Variants in TRRAP observed in about 807,000 individuals in gnomAD.
The protein encoded by TRRAP is transformation/transcription domain associated protein.
Under a neutral mutation model 438.8 loss-of-function variants are expected in TRRAP, and 41 were observed. The observed-to-expected ratio is 0.09, with a 90% CI of 0.07 to 0.12. The LOEUF (loss-of-function observed/expected upper bound fraction) is 0.12. Among genes scored for constraint, TRRAP ranks in the 10% least tolerant of loss-of-function variants. The pLI is 1.00. For synonymous variants in TRRAP, 1,994 were observed against 1,962.9 expected (o/e 1.02, Z -0.42); for missense variants, 3,122 against 5,055.1 (o/e 0.62, Z 11.60).
At chr7:98,912,248 C>T in intron 18 of TRRAP, 35 bp downstream of exon 18, 1 of 1,598,176 alleles carries the variant, frequency 6.3e-7, no homozygotes, top group Admixed American at 1.7e-5. Flanking sequence ...TGCTTCTGTT[C>T]AGGGTTTTTT....
intron 30 of TRRAP, among the ~76,000 whole-genome samples, chr7:98,940,629 G>GT (rs1307919295): frequency 2.0e-5 from 3 of 152,202 alleles, no homozygotes; most frequent in Non-Finnish European, 2.9e-5. Flanking sequence ...TGGGTTTTGT[G>GT]TTAATGGTTC....
chr7:98,970,314 C>T, intron 52 of TRRAP, 23 bp downstream of exon 52: 3 of 1,606,690 alleles, frequency 1.9e-6, no homozygotes, highest in Non-Finnish European at 2.5e-6. Flanking sequence ...ACCCCACAGG[C>T]AGAATCCCAG....
At chr7:98,999,409 A>G in intron 67 of TRRAP, 1 of 1,167,496 alleles carries the variant, frequency 8.6e-7, no homozygotes, top group Non-Finnish European at 1.3e-6. Flanking sequence ...TCTACATGAG[A>G]TCCAGCAGCT....
rs1204439015 is a variant in TRRAP at position 98,956,084 on chromosome 7, C to T, written c.5938-62C>T. The T allele has an allele frequency of 5.8e-6, 9 of 1,552,228 alleles. No individual in the cohort carries two copies. The highest frequency in any genetic ancestry group is 3.6e-5 in the Admixed American group (2 of 55,534). On this transcript the variant is annotated intron_variant, in intron 41 of 72. Coordinates refer to ENST00000456197, the MANE Select transcript of TRRAP (RefSeq NM_001375524.1). This position sits in a 1 kb window ranked among gnomAD's most constrained non-coding sequence, Gnocchi z 4.5. Reference sequence around the variant, plus strand: ...GGGTGTGTGTGTGCACGTGCGCACACGTGCATGCACTGTGGGACCAAGCTC... The same window carrying T: ...GGGTGTGTGTGTGCACGTGCGCACATGTGCATGCACTGTGGGACCAAGCTC...
At chr7:98,895,427 G>A (rs1294973266) in intron 6 of TRRAP, among the ~76,000 whole-genome samples, 1 of 152,166 alleles carries the variant, frequency 6.6e-6, no homozygotes, top group Non-Finnish European at 1.5e-5. Context: ...GGTTTCAGTG[G>A]TTTACGGCCC....
At chr7:98,990,316 A>G (rs1793372725) in intron 63 of TRRAP, 139 bp from the exon 64 acceptor site, 1 of 740,552 alleles carries the variant, frequency 1.4e-6, no homozygotes, top group African/African-American at 1.7e-5. Flanking sequence ...TTTAGCAATA[A>G]TGTTGGCCTG....
chr7:98,911,351 G>T, intron 17 of TRRAP, 80 bp downstream of exon 17: 1 of 1,346,740 alleles, frequency 7.4e-7, no homozygotes, highest in Non-Finnish European at 9.9e-7. Flanking sequence ...TTTATTTCAA[G>T]GATTTTAAAA....
At chr7:98,888,855 TCTTC>T (rs1795836119) in intron 3 of TRRAP, among the ~76,000 whole-genome samples, 1 of 152,182 alleles carries the variant, frequency 6.6e-6, no homozygotes, top group Admixed American at 6.5e-5. Flanking sequence ...TTGATATCTG[TCTTC>T]CTTCTGCTGC....
At chr7:98,911,670 G>A (rs2116413994) in intron 17 of TRRAP, among the ~76,000 whole-genome samples, 1 of 152,078 alleles carries the variant, frequency 6.6e-6, no homozygotes, top group East Asian at 1.9e-4. Context: ...GGAGGTTGAG[G>A]CAGGAGGATT....
rs1794454320 is a variant in TRRAP, at chr7:99,012,056, C to T, written c.11338-15C>T. 6.2e-7 allele frequency: 1 copy of T among 1,610,774 alleles called. No homozygotes were observed. The highest frequency in any genetic ancestry group is 1.7e-5 in the Admixed American group (1 of 59,940). On this transcript the variant is annotated splice_polypyrimidine_tract_variant and intron_variant, in intron 72 of 72. Coordinates refer to ENST00000456197, the MANE Select transcript of TRRAP (RefSeq NM_001375524.1). This position sits in a 1 kb window ranked among gnomAD's most constrained non-coding sequence, Gnocchi z 5.9. ...TTGGTTAAACACAAGTCGTCTCGTTCTCTCCCTCACGCAGGTGGATGGCAT... is the reference window on the plus strand; with the variant it reads ...TTGGTTAAACACAAGTCGTCTCGTTTTCTCCCTCACGCAGGTGGATGGCAT...
chr7:98,980,792 G>C (rs551804609), intron 58 of TRRAP, among the ~76,000 whole-genome samples: 1 of 152,230 alleles, frequency 6.6e-6, no homozygotes, highest in Non-Finnish European at 1.5e-5. Flanking sequence ...GGTGGCTCAC[G>C]CCTGTGATCC....
intron 20 of TRRAP, among the ~76,000 whole-genome samples, chr7:98,918,617 A>G (rs952405360): frequency 6.6e-6 from 1 of 152,120 alleles, no homozygotes; most frequent in Non-Finnish European, 1.5e-5. Flanking sequence ...GAACCTCTCT[A>G]TCCAGGAAAG....
intron 62 of TRRAP, among the ~76,000 whole-genome samples, chr7:98,986,629 T>C (rs1793161793): frequency 6.6e-6 from 1 of 152,236 alleles, no homozygotes; most frequent in Non-Finnish European, 1.5e-5. Context: ...GATTTCCAAG[T>C]ATTTTGTCAC....
intron 27 of TRRAP, among the ~76,000 whole-genome samples, chr7:98,934,899 T>C (rs1288005145): frequency 1.3e-5 from 2 of 152,198 alleles, no homozygotes; most frequent in Non-Finnish European, 2.9e-5. Flanking sequence ...CTCTGTATCC[T>C]TTTCTGCTGT....
chr7:98,983,533 T>A, intron 60 of TRRAP, 74 bp downstream of exon 60: 1 of 1,555,040 alleles, frequency 6.4e-7, no homozygotes, highest in Non-Finnish European at 8.8e-7. Context: ...TTCGTCTCTG[T>A]GTTTTGGTTT....
intron 18 of TRRAP, among the ~76,000 whole-genome samples, chr7:98,915,347 C>T (rs560684782): frequency 6.6e-6 from 1 of 152,180 alleles, no homozygotes; most frequent in South Asian, 2.1e-4. Flanking sequence ...CGTGTGCCAC[C>T]ACAGCTGGCT....
chr7:98,882,487 A>T (rs1795497205), intron 3 of TRRAP, among the ~76,000 whole-genome samples: 1 of 145,296 alleles, frequency 6.9e-6, no homozygotes, highest in African/African-American at 2.6e-5. Flanking sequence ...CTCAGCCTTC[A>T]GGGTAGCTGA....
intron 12 of TRRAP, among the ~76,000 whole-genome samples, chr7:98,904,414 G>T (rs1349306670): frequency 6.8e-6 from 1 of 147,682 alleles, no homozygotes; most frequent in African/African-American, 2.5e-5. Flanking sequence ...ACCCAGGAAG[G>T]CAGAGTTTGC....
intron 7 of TRRAP, 79 bp from the exon 8 acceptor site, chr7:98,897,662 T>C: frequency 7.0e-7 from 1 of 1,420,912 alleles, no homozygotes; most frequent in East Asian, 2.5e-5. Context: ...CGTCTTTTTG[T>C]TTTGTTTTGT....
Sources: gnomAD v4.1 joint callset for allele counts (sites outside exome capture counted in the v4.1 genomes callset) on GRCh38, gnomAD v4.1.1 for gene constraint, Gnocchi (gnomAD v3.1) non-coding constraint, MANE v1.5 for transcripts, NCBI Gene and HGNC (gene_info 2026-07-23, HGNC 2026-07-21) for gene names.